The following REST variants were observed in gnomAD, a reference collection of about 807,000 sequenced individuals.
REST encodes the protein RE1 silencing transcription factor, also known as RE1-silencing transcription factor.
REST carries 1 observed loss-of-function variant against 30.4 expected under a neutral mutation model. The ratio of observed to expected loss-of-function variants is 0.03; its 90% CI spans 0.01 to 0.16. REST has a LOEUF of 0.16. REST is among the 10% of genes least tolerant of loss of function. The probability of loss-of-function intolerance (pLI) is 1.00; values close to 1 mark genes in which losing one functional copy is unlikely to be tolerated. For missense variants in REST, 1,259 were observed against 1,329.5 expected (o/e 0.95, Z 0.82); for synonymous variants, 504 against 451.1 (o/e 1.12, Z -1.49).
chr4:56,933,997 A>T lies in REST; in HGVS notation c.*1845A>T, dbSNP rs949997397. The T allele has an allele frequency of 1.3e-5, 2 of 152,208 alleles. No homozygotes were observed. Among genetic ancestry groups the T allele is most frequent in the African/African-American group, 4.8e-5 (2 of 41,452 alleles). The allele number at this position is 152,208 out of a possible 1,614,324, so 9.4% of individuals were successfully genotyped here. A position where few individuals can be genotyped will look rare whatever the true frequency, so the allele number is the denominator to read the frequency against. ...TGAAGTTTGAGTTAAAAGTTGTTTG[A>T]ACATGGCATTGACTGGGAGGCCAAA... is the stretch of plus-strand genomic sequence containing the variant. On this transcript the variant is annotated 3_prime_UTR_variant, in exon 4 of 4. Transcript: ENST00000309042.
rs912332380 is a variant in REST at position 56,935,130 on chromosome 4, A to T, written c.*2978A>T. 1 of 151,694 alleles carries T rather than the reference A, an allele frequency of 6.6e-6. No homozygotes were observed. Among genetic ancestry groups the T allele is most frequent in the Non-Finnish European group, 1.5e-5 (1 of 67,974 alleles). The allele number at this position is 151,694 out of a possible 1,614,324, so 9.4% of individuals were successfully genotyped here. On this transcript the variant is annotated 3_prime_UTR_variant, in exon 4 of 4. Transcript: ENST00000309042. ...AGTCATGTGGTAATTAACTTTGGAGACTGTTTTGCGTATGAGTGCTGATAC... is the reference window on the plus strand; with the variant it reads ...AGTCATGTGGTAATTAACTTTGGAGTCTGTTTTGCGTATGAGTGCTGATAC...
chr4:56,921,816 A>G (rs1317515477), intron 3 of REST, among the ~76,000 whole-genome samples: 1 of 152,238 alleles, frequency 6.6e-6, no homozygotes, highest in Admixed American at 6.5e-5. Flanking sequence ...ATATGGCAAA[A>G]TTATTGTATA....
At chr4:56,921,505 G>A (rs1720452176) in intron 3 of REST, among the ~76,000 whole-genome samples, 1 of 152,114 alleles carries the variant, frequency 6.6e-6, no homozygotes, top group South Asian at 2.1e-4. Context: ...TGCCTCCGGG[G>A]TTCAAGCAAT....
chr4:56,929,412 CAG>C (rs1720863854), intron 3 of REST, among the ~76,000 whole-genome samples: 1 of 152,160 alleles, frequency 6.6e-6, no homozygotes, highest in African/African-American at 2.4e-5. Flanking sequence ...CATGGCCTCC[CAG>C]AGAGTTGAGG....
intron 1 of REST, chr4:56,909,673 G>A (rs572969261): frequency 6.6e-6 from 1 of 152,304 alleles, no homozygotes; most frequent in African/African-American, 2.4e-5. Context: ...TATTTTCTTA[G>A]AACTTCTTAC....
At position 56,930,871 on chromosome 4, in the gene REST, G is replaced by T. The variant is rs138787075; in HGVS notation, c.2013G>T (p.Glu671Asp). The T allele has an allele frequency of 2.2e-3, 3,482 of 1,614,060 alleles. 7 individuals carry two copies. Among genetic ancestry groups the T allele is most frequent in the Non-Finnish European group, 2.6e-3 (3,099 of 1,179,958 alleles). ...PAQKELLPPVEPAQMVGAQIV... is the reference protein window; with the variant it reads ...PAQKELLPPVDPAQMVGAQIV... ...AGAAGGAGCTGCTGCCTCCCGTGGA[G>T]CCTGCTCAGATGGTGGGTGCCCAAA... The change falls in exon 4 of 4, where the codon GAG becomes GAT. Residue 671 changes from glutamate to aspartate, a missense_variant. Transcript: ENST00000309042.
rs1205147847 is a variant in REST, at chr4:56,931,865, C to A, written c.3007C>A (p.Gln1003Lys). ...PPATMAANESQEIDEDEGIHS... is the reference protein window; with the variant it reads ...PPATMAANESKEIDEDEGIHS... ...TGCTACAATGGCAGCAAATGAGTCT[C>A]AGGAAATTGATGAAGATGAAGGCAT... The change falls in exon 4 of 4, where the codon CAG becomes AAG. Residue 1003 changes from glutamine (Q) to lysine (K), a missense_variant. Transcript: ENST00000309042. The A allele has an allele frequency of 1.9e-6, 3 of 1,614,190 alleles. No homozygotes were observed. The highest frequency in any genetic ancestry group is 2.5e-6 in the Non-Finnish European group (3 of 1,180,036).
chr4:56,912,206 G>T (rs2109527126), intron 2 of REST, among the ~76,000 whole-genome samples: 1 of 152,290 alleles, frequency 6.6e-6, no homozygotes, highest in South Asian at 2.1e-4. Context: ...GTTTTTAAAA[G>T]GTGGGTGGGA....
intron 2 of REST, among the ~76,000 whole-genome samples, chr4:56,918,456 A>G (rs1463524789): frequency 6.6e-6 from 1 of 152,090 alleles, no homozygotes. Flanking sequence ...TCATGCCACC[A>G]CACTCCAGTC....
chr4:56,914,488 G>A (rs1720086052), intron 2 of REST, among the ~76,000 whole-genome samples: 1 of 152,076 alleles, frequency 6.6e-6, no homozygotes, highest in Non-Finnish European at 1.5e-5. Flanking sequence ...GAAACCATTC[G>A]ATTTCAGAAG....
Position 56,932,845 on chromosome 4 carries a change from T to G in REST, c.*693T>G, listed in dbSNP as rs1386582549. ...TATGCAGTTAAATTTTTCCTAGAAA[T>G]AGCATTTGTGTTGAACAGTAACACT... On this transcript the variant is annotated 3_prime_UTR_variant, in exon 4 of 4. Transcript: ENST00000309042. 2.0e-5 allele frequency: 3 copies of G among 152,198 alleles called. No individual in the cohort carries two copies. The highest frequency in any genetic ancestry group is 7.2e-5 in the African/African-American group (3 of 41,454). The allele number at this position is 152,198 out of a possible 1,614,324, so 9.4% of individuals were successfully genotyped here.
In REST at chr4:56,919,858, C is replaced by T. The variant is rs1468725438; in HGVS notation, c.970C>T (p.Arg324Cys). The stretch of plus-strand genomic sequence containing the variant: ...GAAGACTCATCTAACTAGACATATG[C>T]GTACTCATTCAGGTTGGTAAGAAAT... ...SQKTHLTRHM[R>C]THSGEKPFKC... The change falls in exon 3 of 4, where the codon CGT (arginine) becomes TGT (cysteine). Residue 324 changes from arginine to cysteine, a missense_variant. By Grantham distance (180) the Arg-to-Cys change is radical. Transcript: ENST00000309042. 6.3e-7 allele frequency: 1 copy of T among 1,576,670 alleles called. No individual in the cohort carries two copies.
rs1473869439 is a variant in REST, at chr4:56,934,260, G to GT, written c.*2111dup. On this transcript the variant is annotated 3_prime_UTR_variant, in exon 4 of 4. Transcript: ENST00000309042. ...ATGGGTACATTTTACCTAAGTTACCGTTTACATTGTATAGAAAAAGATACA... is the reference window on the plus strand; with the variant it reads ...ATGGGTACATTTTACCTAAGTTACCGTTTTACATTGTATAGAAAAAGATACA... 2.0e-5 allele frequency: 3 copies of GT among 152,114 alleles called. No homozygotes were observed. The highest frequency in any genetic ancestry group is 7.2e-5 in the African/African-American group (3 of 41,418). The allele number at this position is 152,114 out of a possible 1,614,324, so 9.4% of individuals were successfully genotyped here. A position where few individuals can be genotyped will look rare whatever the true frequency, so the allele number is the denominator to read the frequency against.
At position 56,931,429 on chromosome 4, in the gene REST, A is replaced by G. The variant is rs772606704; in HGVS notation, c.2571A>G (p.Thr857=). The change falls in exon 4 of 4, where the codon ACA becomes ACG. Residue 857 remains threonine, a synonymous_variant. Coordinates refer to ENST00000309042, the MANE Select transcript of REST (RefSeq NM_005612.5). The part of the protein sequence containing the change: ...DSWLLKESVS[T]EDLSPPSPPL... ...GGCTTCTAAAGGAAAGTGTAAGCAC[A>G]GAGGATCTCTCACCACCATCACCAC... 2.2e-5 allele frequency: 36 copies of G among 1,614,146 alleles called. No individual in the cohort carries two copies. In the Middle Eastern group the frequency reaches 1.2e-3, roughly 52 times the overall value.
intron 1 of REST, chr4:56,908,823 G>GGC (rs1276035636): frequency 3.3e-5 from 5 of 151,966 alleles, no homozygotes; most frequent in Middle Eastern, 6.8e-3. Context: ...GCGGGGCTGG[G>GGC]GCGCGCGTCC....
At chr4:56,923,646 A>C (rs964534759) in intron 3 of REST, among the ~76,000 whole-genome samples, 1 of 151,670 alleles carries the variant, frequency 6.6e-6, no homozygotes, top group African/African-American at 2.4e-5. Context: ...TGATCCACCC[A>C]CCTCAGCCTC....
rs199816806 is a variant in REST at position 56,931,176 on chromosome 4, A to G, written c.2318A>G (p.Gln773Arg). Residue 773 changes from glutamine (Q) to arginine (R), a missense_variant, in exon 4 of 4, where the codon CAG becomes CGG. Coordinates refer to ENST00000309042, the MANE Select transcript of REST (RefSeq NM_005612.5). ...CTGTCTCCTCCCATAGAGGTGGTCC[A>G]GAAGGAGCCTGTTCAGATGGAGTTG... ...IELSPPIEVVQKEPVQMELSP... is the reference protein window; with the variant it reads ...IELSPPIEVVRKEPVQMELSP... 9.1e-5 allele frequency: 147 copies of G among 1,613,756 alleles called. 1 individual carries two copies. Among genetic ancestry groups the G allele is most frequent in the Middle Eastern group, 1.7e-4 (1 of 6,054 alleles).
rs201033957 is a variant in REST at position 56,931,964 on chromosome 4, C to T, written c.3106C>T (p.Arg1036Trp). 2.8e-5 allele frequency: 45 copies of T among 1,614,192 alleles called. No individual in the cohort carries two copies. The highest frequency in any genetic ancestry group is 4.5e-5 in the East Asian group (2 of 44,886). ...TGATGATTCTGGATTGCATGGGGCT[C>T]GGCCAGTTCCACAAGAATCTAGCAG... The part of the protein sequence containing the change: ...GSDDSGLHGA[R>W]PVPQESSRKN... The change falls in exon 4 of 4, where the codon CGG becomes TGG. Residue 1036 changes from arginine (R) to tryptophan (W), a missense_variant. By Grantham distance (101) the Arg-to-Trp change is moderately radical. Around this residue, in one of 5 missense-constraint regions of REST, gnomAD observed 856 missense variants for 772.8 expected, o/e 1.11. Coordinates refer to ENST00000309042, the MANE Select transcript of REST (RefSeq NM_005612.5).
chr4:56,908,020 A>G lies in REST; in HGVS notation c.-203A>G, dbSNP rs1199472402. 1.1e-5 allele frequency: 4 copies of G among 359,218 alleles called. No individual in the cohort carries two copies. Among genetic ancestry groups the G allele is most frequent in the African/African-American group, 6.4e-5 (3 of 46,586 alleles). 22.3% of individuals were successfully genotyped at this position (359,218 alleles called of 1,614,324 possible). ...CCTGGCGGCGGCTGCCGCAGCCGAGACGGCAGGGCGAGGCCCGGAGGCCTG... is the reference window on the plus strand; with the variant it reads ...CCTGGCGGCGGCTGCCGCAGCCGAGGCGGCAGGGCGAGGCCCGGAGGCCTG... On this transcript the variant is annotated 5_prime_UTR_variant, in exon 1 of 4. Coordinates refer to ENST00000309042, the MANE Select transcript of REST (RefSeq NM_005612.5).
Sources: allele counts gnomAD v4.1 joint callset (sites outside exome capture counted in the v4.1 genomes callset), GRCh38; gene constraint gnomAD v4.1.1; regional missense constraint gnomAD v4.1.1; transcripts MANE v1.5; gene names NCBI Gene and HGNC (gene_info 2026-07-23, HGNC 2026-07-21).